CCPG1: variants seen among roughly 807,000 people sequenced by gnomAD.
The protein encoded by CCPG1 is cell cycle progression protein 1.
CCPG1 carries 46 observed loss-of-function variants against 81.3 expected under a neutral mutation model. The ratio of observed to expected loss-of-function variants is 0.57; its 90% CI spans 0.45 to 0.72. The LOEUF (loss-of-function observed/expected upper bound fraction) is 0.72, where lower values mean the gene tolerates loss of function less well. Among genes scored for constraint, CCPG1 ranks in the 30% least tolerant of loss-of-function variants. The pLI is 0.00. For missense variants in CCPG1, 902 were observed against 937.6 expected (o/e 0.96, Z 0.50); for synonymous variants, 330 against 305.2 (o/e 1.08, Z -0.85).
At chr15:55,377,611 G>A (rs1284920971) in intron 4 of CCPG1, among the ~76,000 whole-genome samples, 2 of 152,168 alleles carry the variant, frequency 1.3e-5, no homozygotes, top group African/African-American at 4.8e-5. Flanking sequence ...GAATGTAATC[G>A]CCAATGTGAT....
Position 55,360,780 on chromosome 15 carries a change from T to TA in CCPG1, c.992dup (p.Arg332LysfsTer5). On this transcript the variant is annotated frameshift_variant, in exon 8 of 9. Coordinates refer to ENST00000442196, the MANE Select transcript of CCPG1 (RefSeq NM_001204450.2). LOFTEE classifies it high-confidence loss of function. ...CTTCCAATATTCTAATCTGTTCTCT[T>TA]AGTTTGTTTAACTCTTCCTGTAATG... is the stretch of plus-strand genomic sequence containing the variant. 2 of 1,612,882 alleles carry TA rather than the reference T, an allele frequency of 1.2e-6. No individual in the cohort carries two copies.
Position 55,376,965 on chromosome 15 carries a change from G to C in CCPG1, c.438C>G (p.Phe146Leu). 1 of 1,612,956 alleles carries C rather than the reference G, an allele frequency of 6.2e-7. No individual in the cohort carries two copies. The highest frequency in any genetic ancestry group is 1.1e-5 in the South Asian group (1 of 91,070). Residue 146 changes from phenylalanine to leucine, a missense_variant, in exon 5 of 9, where the codon TTC becomes TTG. Physicochemically the swap from Phe to Leu is conservative, Grantham distance 22. Transcript: ENST00000442196. The stretch of plus-strand genomic sequence containing the variant: ...TATTCTTACCAGTTTCTGGCTGACA[G>C]AAAGTATACTGGCTGCTAGAGGAAG... ...MGSSSSSQYTFCQPETVFSSQ... is the reference protein window; with the variant it reads ...MGSSSSSQYTLCQPETVFSSQ...
intron 8 of CCPG1, chr15:55,358,746 A>G: frequency 1.0e-6 from 1 of 985,348 alleles, no homozygotes; most frequent in South Asian, 4.7e-5. Context: ...TTGAAGCAAA[A>G]ATTTTTCACT....
At chr15:55,387,928 G>C (rs1007806284) in intron 2 of CCPG1, among the ~76,000 whole-genome samples, 7 of 149,672 alleles carry the variant, frequency 4.7e-5, no homozygotes, top group Non-Finnish European at 8.9e-5. Context: ...GAGGCGGGCG[G>C]ATCACCTGGC....
chr15:55,387,954 C>G lies in CCPG1; in HGVS notation c.60+1411G>C, dbSNP rs1021136488. On this transcript the variant is annotated intron_variant, in intron 2 of 8. Coordinates refer to ENST00000442196, the MANE Select transcript of CCPG1 (RefSeq NM_001204450.2). ...ATCACCTGGCGTCGGGAGTTCGAGACCAGCCTGACCAACATGGAGAAACCC... is the reference window on the plus strand; with the variant it reads ...ATCACCTGGCGTCGGGAGTTCGAGAGCAGCCTGACCAACATGGAGAAACCC... Among the ~76,000 whole-genome samples, 150 of 150,686 alleles carry G rather than the reference C, an allele frequency of 1.0e-3. 1 individual carries two copies. Among genetic ancestry groups the G allele is most frequent in the African/African-American group, 3.3e-3 (137 of 41,160 alleles).
chr15:55,365,906 A>T (rs2056317297), intron 6 of CCPG1, among the ~76,000 whole-genome samples: 1 of 151,822 alleles, frequency 6.6e-6, no homozygotes, highest in South Asian at 2.1e-4. Context: ...AGCCTGGCCA[A>T]CATGGTGAAA....
intron 3 of CCPG1, among the ~76,000 whole-genome samples, chr15:55,381,073 C>A (rs1020778738): frequency 6.6e-6 from 1 of 151,588 alleles, no homozygotes; most frequent in African/African-American, 2.4e-5. Context: ...GGAGGCGGAG[C>A]TTGCAGCGAG....
rs560245330 is a variant in CCPG1, at chr15:55,380,349, G to A, written c.176-1973C>T. On this transcript the variant is annotated intron_variant, in intron 3 of 8. Coordinates refer to ENST00000442196, the MANE Select transcript of CCPG1 (RefSeq NM_001204450.2). Reference sequence around the variant, plus strand: ...CCCCCTCTGTCGCCCAGGCTGGAGTGCAGTGGCGCCGTCTCGGCTCACTGC... The same window carrying A: ...CCCCCTCTGTCGCCCAGGCTGGAGTACAGTGGCGCCGTCTCGGCTCACTGC... 2.0e-5 allele frequency among the ~76,000 whole-genome samples: 3 copies of A among 150,612 alleles called. No homozygotes were observed. In the East Asian group the frequency reaches 6.1e-4, roughly 31 times the overall value.
In CCPG1 at chr15:55,355,695, A is replaced by T. The variant is rs2056065015; in HGVS notation, c.*525T>A. The T allele has an allele frequency of 3.6e-6, 1 of 280,354 alleles. No homozygotes were observed. The highest frequency in any genetic ancestry group is 1.1e-4 in the South Asian group (1 of 9,430). The allele number at this position is 280,354 out of a possible 1,614,324, so 17.4% of individuals were successfully genotyped here. A position where few individuals can be genotyped will look rare whatever the true frequency, so the allele number is the denominator to read the frequency against. Reference sequence around the variant, plus strand: ...TCCACGATATTCAGATGTGCAAAAAATTTCACAAGAAAACAAGTCAGCAAG... The same window carrying T: ...TCCACGATATTCAGATGTGCAAAAATTTTCACAAGAAAACAAGTCAGCAAG... On this transcript the variant is annotated 3_prime_UTR_variant, in exon 9 of 9. Coordinates refer to ENST00000442196, the MANE Select transcript of CCPG1 (RefSeq NM_001204450.2).
chr15:55,391,898 G>T (rs1319479271), intron 1 of CCPG1, among the ~76,000 whole-genome samples: 5 of 127,438 alleles, frequency 3.9e-5, no homozygotes, highest in African/African-American at 1.1e-4. Flanking sequence ...GGGGGGGGGG[G>T]GCTAGGTGTG....
chr15:55,388,332 TAAAC>T (rs1052075561), intron 2 of CCPG1, among the ~76,000 whole-genome samples: 14 of 149,762 alleles, frequency 9.3e-5, no homozygotes, highest in African/African-American at 2.8e-4. Flanking sequence ...TATGAAAAAA[TAAAC>T]AAAATGTACA....
Position 55,383,210 on chromosome 15 carries a change from G to A in CCPG1, c.175+2390C>T, listed in dbSNP as rs571691886. Among the ~76,000 whole-genome samples the A allele has an allele frequency of 4.8e-4, 73 of 152,256 alleles. 1 individual carries two copies. The highest frequency in any genetic ancestry group is 3.1e-3 in the East Asian group (16 of 5,182). On this transcript the variant is annotated intron_variant, in intron 3 of 8. Coordinates refer to ENST00000442196, the MANE Select transcript of CCPG1 (RefSeq NM_001204450.2). ...TTGTACATCTCCATCAGAGCCCTTC[G>A]GTGATTGACCAGGTATTGCTATACA...
intron 7 of CCPG1, among the ~76,000 whole-genome samples, chr15:55,363,778 G>GCTTA (rs1384657740): frequency 7.1e-6 from 1 of 140,936 alleles, no homozygotes; most frequent in African/African-American, 2.7e-5. Flanking sequence ...AAAAACAATA[G>GCTTA]CTTACTTTTC....
At chr15:55,406,705 G>A in intron 1 of CCPG1, among the ~76,000 whole-genome samples, 1 of 151,654 alleles carries the variant, frequency 6.6e-6, no homozygotes, top group East Asian at 1.9e-4. Context: ...AAAGTGCTGG[G>A]ATTACAAGCC....
chr15:55,377,213 T>C (rs1017653170), intron 4 of CCPG1, 63 bp from the exon 5 acceptor site: 4 of 1,151,968 alleles, frequency 3.5e-6, no homozygotes, highest in Middle Eastern at 4.7e-4. Flanking sequence ...TACATTTTCT[T>C]AGAATACAAC....
At chr15:55,361,436 G>C (rs575105359) in intron 7 of CCPG1, among the ~76,000 whole-genome samples, 1 of 151,722 alleles carries the variant, frequency 6.6e-6, no homozygotes, top group Non-Finnish European at 1.5e-5. Flanking sequence ...AGCTGGGCGC[G>C]GTGGCTCATG....
At chr15:55,359,229 T>A in intron 8 of CCPG1, 1 of 1,038,306 alleles carries the variant, frequency 9.6e-7, no homozygotes, top group Non-Finnish European at 1.2e-6. Flanking sequence ...GGTGATCTTT[T>A]CATATAAACT....
rs1295638391 is a variant in CCPG1 at position 55,360,266 on chromosome 15, A to C, written c.1507T>G (p.Phe503Val). 1 of 1,612,770 alleles carries C rather than the reference A, an allele frequency of 6.2e-7. No individual in the cohort carries two copies. The change falls in exon 8 of 9, where the codon TTT becomes GTT. Residue 503 changes from phenylalanine to valine, a missense_variant. Phe to Val is a conservative substitution (Grantham distance 50). Around this residue, in one of 3 missense-constraint regions of CCPG1, gnomAD observed 746 missense variants for 728.6 expected, o/e 1.02. Transcript: ENST00000442196. ...FDAMKNSTKE[F>V]VRHHKEKIKQ... Reference sequence around the variant, plus strand: ...ATTTTCTCTTTATGATGCCTTACAAACTCCTTGGTAGAATTCTTCATGGCA... The same window carrying C: ...ATTTTCTCTTTATGATGCCTTACAACCTCCTTGGTAGAATTCTTCATGGCA...
At position 55,380,875 on chromosome 15, in the gene CCPG1, C is replaced by T. The variant is rs186032181; in HGVS notation, c.176-2499G>A. On this transcript the variant is annotated intron_variant, in intron 3 of 8. Coordinates refer to ENST00000442196, the MANE Select transcript of CCPG1 (RefSeq NM_001204450.2). ...TAAAATGGCCGGGCGCGGCGGCTCACGCCTGTAATCTCAGCACTTTGGGAG... is the reference window on the plus strand; with the variant it reads ...TAAAATGGCCGGGCGCGGCGGCTCATGCCTGTAATCTCAGCACTTTGGGAG... 3.5e-4 allele frequency among the ~76,000 whole-genome samples: 53 copies of T among 151,636 alleles called. 1 individual carries two copies. The East Asian group carries it at 9.8e-3, about 28-fold the overall frequency.
Sources: gnomAD v4.1 joint callset for allele counts (sites outside exome capture counted in the v4.1 genomes callset) on GRCh38, gnomAD v4.1.1 for gene constraint, gnomAD v4.1.1 regional missense constraint, MANE v1.5 for transcripts, NCBI Gene and HGNC (gene_info 2026-07-23, HGNC 2026-07-21) for gene names.